ASB18: variants seen among roughly 807,000 people sequenced by gnomAD.
ASB18 encodes ankyrin repeat and SOCS box protein 18.
ASB18 carries 33 observed loss-of-function variants against 33.4 expected under a neutral mutation model. The observed-to-expected ratio is 0.99, with a 90% confidence interval of 0.75 to 1.32. The LOEUF (loss-of-function observed/expected upper bound fraction) is 1.32, where lower values mean the gene tolerates loss of function less well. ASB18 is among the 40% of genes most tolerant of loss of function. ASB18 has a pLI of 0.00. For missense variants in ASB18, 694 were observed against 655.5 expected, an observed-to-expected ratio of 1.06 and a Z score of -0.64; for synonymous variants, 295 against 307.6, an observed-to-expected ratio of 0.96 and a Z score of 0.43.
At position 236,256,808 on chromosome 2, in the gene ASB18, A is replaced by C. The variant is rs1032214167; in HGVS notation, c.205+7333T>G. 2.0e-5 allele frequency among the ~76,000 whole-genome samples: 3 copies of C among 152,010 alleles called. No homozygotes were observed. Among genetic ancestry groups the C allele is most frequent in the Admixed American group, 1.3e-4 (2 of 15,254 alleles). On this transcript the variant is annotated intron_variant, in intron 1 of 5. Coordinates refer to ENST00000409749, the MANE Select transcript of ASB18 (RefSeq NM_212556.4). The surrounding 1 kb of genome is among the most constrained non-coding windows in gnomAD (Gnocchi z 4.7). ...CTGTAGGATTTTTTTTCTTGTCCAT[A>C]TGCCTTTGAAGCCGGACCATTAGCT...
chr2:236,236,087 G>A (rs1453915538), intron 3 of ASB18, among the ~76,000 whole-genome samples: 1 of 152,176 alleles, frequency 6.6e-6, no homozygotes, highest in Non-Finnish European at 1.5e-5. Context: ...ACACAAATGT[G>A]CATGATAACT....
rs1437548852 is a variant in ASB18 at position 236,237,581 on chromosome 2, G to A, written c.596+108C>T. ...AAGGGTGCAGGGTCTGGGTCCGGAG[G>A]CGGGGGCTGGGACGGAGGCGGAGGC... is the stretch of plus-strand genomic sequence containing the variant. On this transcript the variant is annotated intron_variant, in intron 3 of 5. Transcript: ENST00000409749. This position sits in a 1 kb window ranked among gnomAD's most constrained non-coding sequence, Gnocchi z 6.2. 1.7e-5 allele frequency: 16 copies of A among 937,032 alleles called. No individual in the cohort carries two copies. In the East Asian group the frequency reaches 1.7e-4, roughly 10 times the overall value. The allele number at this position is 937,032 out of a possible 1,614,324, so 58.0% of individuals were successfully genotyped here.
chr2:236,202,061 C>T (rs2060405874), intron 4 of ASB18, among the ~76,000 whole-genome samples: 2 of 151,860 alleles, frequency 1.3e-5, no homozygotes, highest in South Asian at 2.1e-4. Context: ...GCAATTCTCC[C>T]GCCTCAGCCT....
chr2:236,263,556 A>G lies in ASB18; in HGVS notation c.205+585T>C, dbSNP rs76789667. 3.9e-5 allele frequency among the ~76,000 whole-genome samples: 6 copies of G among 152,246 alleles called. No homozygotes were observed. Among genetic ancestry groups the G allele is most frequent in the Non-Finnish European group, 8.8e-5 (6 of 68,044 alleles). On this transcript the variant is annotated intron_variant, in intron 1 of 5. Coordinates refer to ENST00000409749, the MANE Select transcript of ASB18 (RefSeq NM_212556.4). The surrounding 1 kb of genome is among the most constrained non-coding windows in gnomAD (Gnocchi z 4.0). ...CCAATTTAGAAACAATACAATTTGA[A>G]AAAATGTTATGTTCTTGTTCCAGTT...
intron 4 of ASB18, among the ~76,000 whole-genome samples, chr2:236,201,390 G>A (rs1371292421): frequency 3.9e-5 from 6 of 152,234 alleles, no homozygotes; most frequent in East Asian, 3.9e-4. Context: ...CTGGGTTCAC[G>A]CGATCTTCCC....
rs931560864 is a variant in ASB18, at chr2:236,231,777, T to C, written c.596+5912A>G. On this transcript the variant is annotated intron_variant, in intron 3 of 5. Coordinates refer to ENST00000409749, the MANE Select transcript of ASB18 (RefSeq NM_212556.4). The surrounding 1 kb of genome is among the most constrained non-coding windows in gnomAD (Gnocchi z 5.5). ...TTACTAAAGATAAATAATTTCATAATGATAAAAAGGTCAGTTCTTCAAAAG... is the reference window on the plus strand; with the variant it reads ...TTACTAAAGATAAATAATTTCATAACGATAAAAAGGTCAGTTCTTCAAAAG... Among the ~76,000 whole-genome samples the C allele has an allele frequency of 6.6e-6, 1 of 152,150 alleles. No homozygotes were observed. The highest frequency in any genetic ancestry group is 2.4e-5 in the African/African-American group (1 of 41,438).
At position 236,223,406 on chromosome 2, in the gene ASB18, G is replaced by A. The variant is rs1323192341; in HGVS notation, c.597-8540C>T. On this transcript the variant is annotated intron_variant, in intron 3 of 5. Coordinates refer to ENST00000409749, the MANE Select transcript of ASB18 (RefSeq NM_212556.4). This position sits in a 1 kb window ranked among gnomAD's most constrained non-coding sequence, Gnocchi z 4.6. ...GGAAGACCCAGTAGCATCAGAGTGA[G>A]TGGAAAGAAAAGGAGGAAATGGAAA... Among the ~76,000 whole-genome samples the A allele has an allele frequency of 6.6e-6, 1 of 152,190 alleles. No homozygotes were observed. Among genetic ancestry groups the A allele is most frequent in the African/African-American group, 2.4e-5 (1 of 41,450 alleles).
Position 236,228,660 on chromosome 2 carries a change from A to C in ASB18, c.596+9029T>G, listed in dbSNP as rs748840710. Among the ~76,000 whole-genome samples the C allele has an allele frequency of 2.2e-4, 34 of 152,214 alleles. No individual in the cohort carries two copies. The highest frequency in any genetic ancestry group is 4.7e-4 in the Non-Finnish European group (32 of 68,038). On this transcript the variant is annotated intron_variant, in intron 3 of 5. Coordinates refer to ENST00000409749, the MANE Select transcript of ASB18 (RefSeq NM_212556.4). The surrounding 1 kb of genome is among the most constrained non-coding windows in gnomAD (Gnocchi z 5.1). ...ACAGAAACGGTGCAGTGCTCATCAC[A>C]TGCACAGGTTCAGGAATAGTGGCTG... is the stretch of plus-strand genomic sequence containing the variant.
In ASB18 at chr2:236,216,770, C is replaced by G. The variant is rs558810325; in HGVS notation, c.597-1904G>C. Among the ~76,000 whole-genome samples the G allele has an allele frequency of 6.6e-6, 1 of 152,364 alleles. No homozygotes were observed. The highest frequency in any genetic ancestry group is 1.9e-4 in the East Asian group (1 of 5,182). On this transcript the variant is annotated intron_variant, in intron 3 of 5. Coordinates refer to ENST00000409749, the MANE Select transcript of ASB18 (RefSeq NM_212556.4). The surrounding 1 kb of genome is among the most constrained non-coding windows in gnomAD (Gnocchi z 6.1). ...AATGTGCCTGCCAACAACCCCACCA[C>G]TCCCCCTGCCTGCTGGGCGAAGCCC... is the stretch of plus-strand genomic sequence containing the variant.
intron 2 of ASB18, among the ~76,000 whole-genome samples, chr2:236,240,678 T>C (rs2060617190): frequency 6.6e-6 from 1 of 152,204 alleles, no homozygotes; most frequent in Non-Finnish European, 1.5e-5. Context: ...GGAGGTCTGC[T>C]TGTCCGCCCA....
Position 236,241,342 on chromosome 2 carries a change from A to G in ASB18, c.266T>C (p.Phe89Ser), listed in dbSNP as rs2060620164. Residue 89 changes from phenylalanine to serine, a missense_variant, in exon 2 of 6, where the codon TTT becomes TCT. Coordinates refer to ENST00000409749, the MANE Select transcript of ASB18 (RefSeq NM_212556.4). The surrounding 1 kb of genome is among the most constrained non-coding windows in gnomAD (Gnocchi z 4.2). Reference sequence around the variant, plus strand: ...TTCCATCTCATCCTTATTGATCTCAAACACCACGTTGGCATCCTGGAAGAA... The same window carrying G: ...TTCCATCTCATCCTTATTGATCTCAGACACCACGTTGGCATCCTGGAAGAA... ...DQFFQDANVV[F>S]EINKDEMEWQ... 1.9e-6 allele frequency: 3 copies of G among 1,613,650 alleles called. No homozygotes were observed. The highest frequency in any genetic ancestry group is 1.7e-5 in the Admixed American group (1 of 60,000).
Position 236,238,215 on chromosome 2 carries a change from G to T in ASB18, c.329-259C>A, listed in dbSNP as rs2060605407. 6.6e-6 allele frequency among the ~76,000 whole-genome samples: 1 copy of T among 151,526 alleles called. No individual in the cohort carries two copies. The highest frequency in any genetic ancestry group is 1.5e-5 in the Non-Finnish European group (1 of 68,006). ...TAAAACCGAGCTAGAGAGATGGGGC[G>T]CCGGGTATTGAGAAGCAAGAGGATT... On this transcript the variant is annotated intron_variant, in intron 2 of 5. Transcript: ENST00000409749. The surrounding 1 kb of genome is among the most constrained non-coding windows in gnomAD (Gnocchi z 5.2).
chr2:236,210,472 C>T (rs2060454502), intron 4 of ASB18: 2 of 152,216 alleles, frequency 1.3e-5, no homozygotes, highest in African/African-American at 2.4e-5. Context: ...GGTCATCAGA[C>T]CCGGAATGCA....
rs1163884761 is a variant in ASB18 at position 236,222,624 on chromosome 2, G to C, written c.597-7758C>G. ...CTGGGGGCAGGATGGGGCCTGGTGGGAGGTGGTTGGTTCATGGGGGTAGGT... is the reference window on the plus strand; with the variant it reads ...CTGGGGGCAGGATGGGGCCTGGTGGCAGGTGGTTGGTTCATGGGGGTAGGT... On this transcript the variant is annotated intron_variant, in intron 3 of 5. Transcript: ENST00000409749. The surrounding 1 kb of genome is among the most constrained non-coding windows in gnomAD (Gnocchi z 5.5). Among the ~76,000 whole-genome samples, 2 of 152,180 alleles carry C rather than the reference G, an allele frequency of 1.3e-5. No individual in the cohort carries two copies. Among genetic ancestry groups the C allele is most frequent in the African/African-American group, 2.4e-5 (1 of 41,450 alleles).
rs371622805 is a variant in ASB18, at chr2:236,211,845, C to A, written c.1101+2517G>T. Reference sequence around the variant, plus strand: ...TCAGCATGGTGAATGCATCCTCATCCACCATCCTCTCCTGGCCAGGTGTAG... The same window carrying A: ...TCAGCATGGTGAATGCATCCTCATCAACCATCCTCTCCTGGCCAGGTGTAG... On this transcript the variant is annotated intron_variant, in intron 4 of 5. Transcript: ENST00000409749. This position sits in a 1 kb window ranked among gnomAD's most constrained non-coding sequence, Gnocchi z 5.0. Among the ~76,000 whole-genome samples, 53 of 152,274 alleles carry A rather than the reference C, an allele frequency of 3.5e-4. 2 individuals carry two copies. The East Asian group carries it at 7.9e-3, about 23-fold the overall frequency.
In ASB18 at chr2:236,239,528, G is replaced by C. The variant is rs2060611484; in HGVS notation, c.329-1572C>G. On this transcript the variant is annotated intron_variant, in intron 2 of 5. Coordinates refer to ENST00000409749, the MANE Select transcript of ASB18 (RefSeq NM_212556.4). This position sits in a 1 kb window ranked among gnomAD's most constrained non-coding sequence, Gnocchi z 5.6. ...CTCAGGAAGCCGGAATCAGCTTTCT[G>C]TAACTCCCGCCCTCTGGTCCCAGTT... Among the ~76,000 whole-genome samples the C allele has an allele frequency of 8.6e-6, 1 of 116,500 alleles. No homozygotes were observed. The highest frequency in any genetic ancestry group is 1.9e-5 in the Non-Finnish European group (1 of 51,654). 76.4% of individuals were successfully genotyped at this position (116,500 alleles called of 152,430 possible).
rs146482146 is a variant in ASB18, at chr2:236,228,114, A to C, written c.596+9575T>G. On this transcript the variant is annotated intron_variant, in intron 3 of 5. Coordinates refer to ENST00000409749, the MANE Select transcript of ASB18 (RefSeq NM_212556.4). The surrounding 1 kb of genome is among the most constrained non-coding windows in gnomAD (Gnocchi z 5.1). ...CAAATCATCTATCAGATGAGTCAAG[A>C]ACAAAAATTGGAAGTGAATGCAAGG... Among the ~76,000 whole-genome samples, 240 of 152,348 alleles carry C rather than the reference A, an allele frequency of 1.6e-3. No individual in the cohort carries two copies. The highest frequency in any genetic ancestry group is 5.1e-3 in the Admixed American group (78 of 15,312).
In ASB18 at chr2:236,204,297, T is replaced by C. The variant is rs2060422400; in HGVS notation, c.1102-7912A>G. ...TGCTGTGTCAGCCACGCCTGACATG[T>C]TGACGATGTCTTCCACCTCAATGCA... On this transcript the variant is annotated intron_variant, in intron 4 of 5. Coordinates refer to ENST00000409749, the MANE Select transcript of ASB18 (RefSeq NM_212556.4). The surrounding 1 kb of genome is among the most constrained non-coding windows in gnomAD (Gnocchi z 5.1). Among the ~76,000 whole-genome samples the C allele has an allele frequency of 6.6e-6, 1 of 152,212 alleles. No individual in the cohort carries two copies. Among genetic ancestry groups the C allele is most frequent in the Non-Finnish European group, 1.5e-5 (1 of 68,034 alleles).
At chr2:236,230,999 G>A (rs1352297015) in intron 3 of ASB18, among the ~76,000 whole-genome samples, 1 of 152,138 alleles carries the variant, frequency 6.6e-6, no homozygotes, top group Non-Finnish European at 1.5e-5. Context: ...ACTCAGGTAA[G>A]TTAAAAAATG....
Sources: allele counts gnomAD v4.1 joint callset (sites outside exome capture counted in the v4.1 genomes callset), GRCh38; gene constraint gnomAD v4.1.1; non-coding constraint Gnocchi (gnomAD v3.1); transcripts MANE v1.5; gene names NCBI Gene and HGNC (gene_info 2026-07-23, HGNC 2026-07-21).